ANO9: variants seen among roughly 807,000 people sequenced by gnomAD.
The protein encoded by ANO9 is anoctamin 9, also known as anoctamin-9.
A neutral mutation model predicts 100.5 loss-of-function variants in ANO9; 80 were observed. That is an observed-to-expected ratio of 0.80 (90% confidence interval 0.66 to 0.96). The LOEUF is 0.96. Among genes scored for constraint, ANO9 ranks in the 40% least tolerant of loss-of-function variants. The probability of loss-of-function intolerance (pLI) is 0.00; values close to 1 mark genes in which losing one functional copy is unlikely to be tolerated. For missense variants in ANO9, 1,064 were observed against 1,072.7 expected, an observed-to-expected ratio of 0.99 and a Z score of 0.11; for synonymous variants, 473 against 435.6, an observed-to-expected ratio of 1.09 and a Z score of -1.07.
At chr11:431,967 C>T (rs756019467) in intron 5 of ANO9, 32 bp downstream of exon 5, 7 of 1,612,462 alleles carry the variant, frequency 4.3e-6, no homozygotes, top group Non-Finnish European at 5.9e-6. Flanking sequence ...CTGCCCGCAG[C>T]GCCCCTGTCA....
At chr11:433,740 A>C (rs1471307298) in intron 3 of ANO9, 75 bp downstream of exon 3, 20 of 1,443,182 alleles carry the variant, frequency 1.4e-5, no homozygotes, top group Admixed American at 2.3e-5. Context: ...CACCCGCCCC[A>C]GCCCCATGGC....
chr11:418,537 G>A lies in ANO9; in HGVS notation c.2183C>T (p.Pro728Leu), dbSNP rs1203833981. Residue 728 changes from proline to leucine, a missense_variant, in exon 23 of 23, where the codon CCT (proline) becomes CTT (leucine). Coordinates refer to ENST00000332826, the MANE Select transcript of ANO9 (RefSeq NM_001012302.3). ...LIAAWFVPDI[P>L]QSVKNKVLEV... ...CAGAACCTTGTTCTTCACCGACTGA[G>A]GGATGTCGGGCACGAACCAGGCGGC... 3.1e-6 allele frequency: 5 copies of A among 1,613,014 alleles called. No homozygotes were observed. In the Admixed American group the frequency reaches 8.3e-5, roughly 27 times the overall value.
intron 1 of ANO9, among the ~76,000 whole-genome samples, chr11:435,105 T>G (rs554190679): frequency 6.6e-6 from 1 of 152,134 alleles, no homozygotes; most frequent in African/African-American, 2.4e-5. Context: ...TGTAGTGTAG[T>G]ATAGGATAGC....
rs1189964296 is a variant in ANO9, at chr11:421,198, C to T, written c.1335G>A (p.Arg445=). The T allele has an allele frequency of 2.6e-6, 4 of 1,544,508 alleles. 1 individual carries two copies. Among genetic ancestry groups the T allele is most frequent in the Middle Eastern group, 3.6e-4 (2 of 5,590 alleles). The part of the protein sequence containing the change: ...SLIYIAFILG[R]INGHPGKSTR... ...TGGACTTCCCGGGGTGGCCGTTGAT[C>T]CTGGGGAGGAAGGGGAAGTCTGGGG... The change falls in exon 16 of 23, where the codon AGG becomes AGA. Residue 445 remains arginine (R), a splice_region_variant and synonymous_variant. Coordinates refer to ENST00000332826, the MANE Select transcript of ANO9 (RefSeq NM_001012302.3). This position sits in a 1 kb window ranked among gnomAD's most constrained non-coding sequence, Gnocchi z 6.8.
chr11:432,423 A>C lies in ANO9; in HGVS notation c.351-369T>G. The C allele has an allele frequency of 3.5e-5, 11 of 312,848 alleles. No individual in the cohort carries two copies. The highest frequency in any genetic ancestry group is 7.1e-5 in the East Asian group (1 of 14,154). 19.4% of individuals were successfully genotyped at this position (312,848 alleles called of 1,614,324 possible). A position where few individuals can be genotyped will look rare whatever the true frequency, so the allele number is the denominator to read the frequency against. ...GCCTGCATCCGCACACACCCTCCTT[A>C]TACCCTGGAGCTGTTCTGTTCCACT... On this transcript the variant is annotated intron_variant, in intron 4 of 22. Transcript: ENST00000332826. This position sits in a 1 kb window ranked among gnomAD's most constrained non-coding sequence, Gnocchi z 4.8.
chr11:419,548 C>T, intron 20 of ANO9, 34 bp downstream of exon 20: 2 of 1,607,800 alleles, frequency 1.2e-6, no homozygotes, highest in Non-Finnish European at 1.7e-6. Flanking sequence ...GGGCCAGTTT[C>T]TCCCAGGGGT....
intron 1 of ANO9, among the ~76,000 whole-genome samples, chr11:436,688 A>T (rs544797214): frequency 2.6e-5 from 1 of 38,228 alleles, no homozygotes; most frequent in Non-Finnish European, 4.8e-5. Flanking sequence ...AGTGAGCAGG[A>T]GGTGAGCAGG....
chr11:435,115 C>T (rs1366535605), intron 1 of ANO9, among the ~76,000 whole-genome samples: 1 of 151,556 alleles, frequency 6.6e-6, no homozygotes, highest in East Asian at 1.9e-4. Context: ...TATAGGATAG[C>T]ATAGCATAGC....
rs775728151 is a variant in ANO9, at chr11:428,092, C to G, written c.1330G>C (p.Gly444Arg). ...GGAGCCTGGCGCCGGCCCTACCTGC[C>G]CAGGATGAAGGCGATGTAGATGAGA... The part of the protein sequence containing the change: ...SSLIYIAFIL[G>R]RINGHPGKST... The change falls in exon 15 of 23, where the codon GGC becomes CGC. Residue 444 changes from glycine (G) to arginine (R), a missense_variant. Transcript: ENST00000332826. 6.2e-7 allele frequency: 1 copy of G among 1,603,988 alleles called. No homozygotes were observed. The highest frequency in any genetic ancestry group is 8.5e-7 in the Non-Finnish European group (1 of 1,177,316).
At position 421,252 on chromosome 11, in the gene ANO9, G is replaced by A; in HGVS notation, c.1335-54C>T. The A allele has an allele frequency of 6.8e-7, 1 of 1,462,340 alleles. No individual in the cohort carries two copies. The allele number at this position is 1,462,340 out of a possible 1,614,324, so 90.6% of individuals were successfully genotyped here. ...TGCGGGCAGCGCCCTGCCTCTGACA[G>A]GGTGGGTGCAGCAGGACAGAAGCGG... On this transcript the variant is annotated intron_variant, in intron 15 of 22. Transcript: ENST00000332826. The surrounding 1 kb of genome is among the most constrained non-coding windows in gnomAD (Gnocchi z 6.8).
chr11:439,699 C>T (rs117967265), intron 1 of ANO9, among the ~76,000 whole-genome samples: 4,359 of 152,272 alleles, frequency 0.029, 103 homozygotes, highest in South Asian at 0.056. Flanking sequence ...CCCTTCTGCC[C>T]CACCGCAGTC....
chr11:438,610 AG>A (rs1564939194), intron 1 of ANO9, among the ~76,000 whole-genome samples: 3 of 149,976 alleles, frequency 2.0e-5, no homozygotes, highest in African/African-American at 7.5e-5. Context: ...GTGTTTACGG[AG>A]CCACACCCAC....
chr11:420,703 G>T lies in ANO9; in HGVS notation c.1633+15C>A. On this transcript the variant is annotated intron_variant, in intron 18 of 22. Coordinates refer to ENST00000332826, the MANE Select transcript of ANO9 (RefSeq NM_001012302.3). ...ATTCGTCTCCGCGAACCCCCGCCCC[G>T]CAGCGCCCACGCACTCATCTCCATG... 1 of 1,604,144 alleles carries T rather than the reference G, an allele frequency of 6.2e-7. No homozygotes were observed. Among genetic ancestry groups the T allele is most frequent in the Admixed American group, 1.7e-5 (1 of 59,636 alleles).
Position 440,234 on chromosome 11 carries a change from T to C in ANO9, c.6+1687A>G, listed in dbSNP as rs541150189. On this transcript the variant is annotated intron_variant, in intron 1 of 22. Transcript: ENST00000332826. The stretch of plus-strand genomic sequence containing the variant: ...AAACTGAGTCCAGGGACTCAGTCCT[T>C]GGTACTTCAGCTTTGCAGAAGCATA... 2.0e-5 allele frequency among the ~76,000 whole-genome samples: 3 copies of C among 152,162 alleles called. No individual in the cohort carries two copies. In the East Asian group the frequency reaches 5.8e-4, roughly 29 times the overall value.
intron 1 of ANO9, among the ~76,000 whole-genome samples, chr11:436,193 G>C (rs942719750): frequency 6.6e-6 from 1 of 150,900 alleles, no homozygotes. Context: ...TCAGCCTCCC[G>C]CGTAGCTGGG....
chr11:420,291 C>T (rs889622590), intron 19 of ANO9, 172 bp downstream of exon 19: 5 of 1,436,548 alleles, frequency 3.5e-6, no homozygotes, highest in African/African-American at 1.4e-5. Flanking sequence ...ACTCCTGGTA[C>T]CCTCCCACCC....
Position 431,777 on chromosome 11 carries a change from G to T in ANO9, c.466-10C>A, listed in dbSNP as rs373040024. On this transcript the variant is annotated splice_polypyrimidine_tract_variant and intron_variant, in intron 6 of 22. Coordinates refer to ENST00000332826, the MANE Select transcript of ANO9 (RefSeq NM_001012302.3). The stretch of plus-strand genomic sequence containing the variant: ...TCAGGCGTCCCTCCCCCTGGCTCGG[G>T]TGACAGAGAGTGAGAGCCCCCATCC... The T allele has an allele frequency of 6.2e-7, 1 of 1,612,382 alleles. No homozygotes were observed.
Position 422,031 on chromosome 11 carries a change from A to G in ANO9, c.1335-833T>C, listed in dbSNP as rs1429107599. ...ATAAAACAACTGAAAGCCTGGGTGGATAAATCAATCGAGTGCTCAAGTGGA... is the reference window on the plus strand; with the variant it reads ...ATAAAACAACTGAAAGCCTGGGTGGGTAAATCAATCGAGTGCTCAAGTGGA... On this transcript the variant is annotated intron_variant, in intron 15 of 22. Transcript: ENST00000332826. The surrounding 1 kb of genome is among the most constrained non-coding windows in gnomAD (Gnocchi z 4.3). Among the ~76,000 whole-genome samples the G allele has an allele frequency of 6.6e-6, 1 of 152,236 alleles. No homozygotes were observed. Among genetic ancestry groups the G allele is most frequent in the African/African-American group, 2.4e-5 (1 of 41,460 alleles).
intron 1 of ANO9, among the ~76,000 whole-genome samples, chr11:435,603 GGTATAGTCTA>G (rs1247044242): frequency 7.8e-5 from 1 of 12,756 alleles, no homozygotes; most frequent in Non-Finnish European, 1.3e-4. Context: ...AGCATAATAT[GGTATAGTCTA>G]GTATAGTCTA....
Sources: allele counts gnomAD v4.1 joint callset (sites outside exome capture counted in the v4.1 genomes callset), GRCh38; gene constraint gnomAD v4.1.1; non-coding constraint Gnocchi (gnomAD v3.1); transcripts MANE v1.5; gene names NCBI Gene and HGNC (gene_info 2026-07-23, HGNC 2026-07-21).